Variants in IGSF21 observed in about 807,000 individuals in gnomAD.
The protein encoded by IGSF21 is immunoglobulin superfamily member 21.
IGSF21 carries 28 observed loss-of-function variants against 46.8 expected under a neutral mutation model. The ratio of observed to expected loss-of-function variants is 0.60; its 90% CI spans 0.44 to 0.82. The LOEUF (loss-of-function observed/expected upper bound fraction) is 0.82. IGSF21 is among the 40% of genes least tolerant of loss of function. IGSF21 has a pLI of 0.00. For missense variants in IGSF21, 624 were observed against 665.5 expected, an observed-to-expected ratio of 0.94 and a Z score of 0.69; for synonymous variants, 284 against 273.6, an observed-to-expected ratio of 1.04 and a Z score of -0.38.
At chr1:18,331,109 C>CATTTT (rs769260676) in intron 3 of IGSF21, among the ~76,000 whole-genome samples, 11 of 151,946 alleles carry the variant, frequency 7.2e-5, no homozygotes, top group African/African-American at 9.7e-5. Context: ...TTATATTCTC[C>CATTTT]ATTTTATTTT....
intron 1 of IGSF21, among the ~76,000 whole-genome samples, chr1:18,135,611 A>T (rs1252447733): frequency 2.0e-5 from 3 of 152,152 alleles, no homozygotes; most frequent in African/African-American, 7.2e-5. Flanking sequence ...TTATGGCTGC[A>T]TAGTATTCCA....
intron 1 of IGSF21, 85 bp downstream of exon 1, chr1:18,108,283 T>A: frequency 1.6e-6 from 2 of 1,237,626 alleles, no homozygotes; most frequent in South Asian, 5.4e-5. Flanking sequence ...CCGGGGTCGC[T>A]CCGAGAGGCT....
At chr1:18,308,444 T>G (rs544624907) in intron 3 of IGSF21, among the ~76,000 whole-genome samples, 2 of 152,238 alleles carry the variant, frequency 1.3e-5, no homozygotes, top group South Asian at 4.1e-4. Flanking sequence ...CCAGAGCCCC[T>G]CCACACACAC....
chr1:18,226,366 G>A (rs2084566393), intron 1 of IGSF21, among the ~76,000 whole-genome samples: 1 of 152,194 alleles, frequency 6.6e-6, no homozygotes, highest in South Asian at 2.1e-4. Context: ...CTGGCCCCAG[G>A]CCCGCACAGG....
intron 1 of IGSF21, among the ~76,000 whole-genome samples, chr1:18,184,832 G>T (rs1047941969): frequency 6.6e-6 from 1 of 152,122 alleles, no homozygotes; most frequent in African/African-American, 2.4e-5. Context: ...AAATCCTCAC[G>T]ATCTCCCTGA....
intron 1 of IGSF21, among the ~76,000 whole-genome samples, chr1:18,175,582 G>A (rs940110823): frequency 1.3e-5 from 2 of 152,132 alleles, no homozygotes; most frequent in African/African-American, 4.8e-5. Context: ...TGCTCCTGGT[G>A]GGAAGTGACC....
chr1:18,108,273 C>G, intron 1 of IGSF21, 75 bp downstream of exon 1: 1 of 1,281,400 alleles, frequency 7.8e-7, no homozygotes, highest in African/African-American at 1.6e-5. Flanking sequence ...AGGGCGCTGG[C>G]CGGGGTCGCT....
intron 1 of IGSF21, among the ~76,000 whole-genome samples, chr1:18,174,662 C>T (rs573475407): frequency 6.6e-6 from 1 of 152,208 alleles, no homozygotes; most frequent in Non-Finnish European, 1.5e-5. Flanking sequence ...TTTGCCCACC[C>T]GATTCCCATC....
At chr1:18,362,303 G>A (rs1274136745) in intron 5 of IGSF21, 73 bp downstream of exon 5, 3 of 1,088,058 alleles carry the variant, frequency 2.8e-6, no homozygotes, top group East Asian at 2.5e-5. Flanking sequence ...TCCAGCTGCA[G>A]GTGTCGCCAC....
intron 3 of IGSF21, among the ~76,000 whole-genome samples, chr1:18,293,956 C>G (rs1349851444): frequency 6.6e-6 from 1 of 152,196 alleles, no homozygotes; most frequent in Non-Finnish European, 1.5e-5. Context: ...ACCAGAAGAC[C>G]CAGATGAAAA....
At chr1:18,273,001 G>A (rs887354170) in intron 2 of IGSF21, among the ~76,000 whole-genome samples, 1 of 147,110 alleles carries the variant, frequency 6.8e-6, no homozygotes, top group African/African-American at 2.5e-5. Context: ...GCCCCCACTG[G>A]GCCCTCCAAT....
intron 2 of IGSF21, among the ~76,000 whole-genome samples, chr1:18,258,777 A>G (rs189046606): frequency 6.6e-6 from 1 of 152,302 alleles, no homozygotes; most frequent in East Asian, 1.9e-4. Context: ...ATCTTGTGAG[A>G]ATGGAATGCA....
In IGSF21 at chr1:18,334,834, C is replaced by T. The variant is rs145563358; in HGVS notation, c.306-58C>T. ...GGGCATCAGGATGAGTTTCCTTGAA[C>T]GCTGCCTCACCCAGCCCCACGATGA... On this transcript the variant is annotated intron_variant, in intron 3 of 9. Coordinates refer to ENST00000251296, the MANE Select transcript of IGSF21 (RefSeq NM_032880.5). The surrounding 1 kb of genome is among the most constrained non-coding windows in gnomAD (Gnocchi z 4.3). 289 of 1,291,998 alleles carry T rather than the reference C, an allele frequency of 2.2e-4. 1 individual carries two copies. The African/African-American group carries it at 3.2e-3, about 14-fold the overall frequency. 80.0% of individuals were successfully genotyped at this position (1,291,998 alleles called of 1,614,324 possible).
rs2085776417 is a variant in IGSF21 at position 18,337,061 on chromosome 1, A to T, written c.424+2051A>T. ...GGAATTGTGGGAGCTACAGTATAAG[A>T]TGAGATTTGAGTTGGGACACAGCCA... is the stretch of plus-strand genomic sequence containing the variant. On this transcript the variant is annotated intron_variant, in intron 4 of 9. Transcript: ENST00000251296. This position sits in a 1 kb window ranked among gnomAD's most constrained non-coding sequence, Gnocchi z 5.7. Among the ~76,000 whole-genome samples, 1 of 152,226 alleles carries T rather than the reference A, an allele frequency of 6.6e-6. No individual in the cohort carries two copies. Among genetic ancestry groups the T allele is most frequent in the South Asian group, 2.1e-4 (1 of 4,834 alleles).
At chr1:18,154,314 G>T (rs973388993) in intron 1 of IGSF21, among the ~76,000 whole-genome samples, 1 of 152,136 alleles carries the variant, frequency 6.6e-6, no homozygotes, top group Admixed American at 6.5e-5. Context: ...CTCTTTCAAG[G>T]CCGCGAGTCC....
rs551549038 is a variant in IGSF21, at chr1:18,371,388, A to G, written c.1016-4922A>G. 9.9e-5 allele frequency among the ~76,000 whole-genome samples: 15 copies of G among 152,270 alleles called. No homozygotes were observed. In the East Asian group the frequency reaches 2.7e-3, roughly 27 times the overall value. On this transcript the variant is annotated intron_variant, in intron 6 of 9. Coordinates refer to ENST00000251296, the MANE Select transcript of IGSF21 (RefSeq NM_032880.5). ...GGAGTTTGAGACCAGCCTGGCCAAC[A>G]TGGTGAAACCTCGGCTCTACTGAAA...
At chr1:18,183,166 G>A (rs926658526) in intron 1 of IGSF21, among the ~76,000 whole-genome samples, 2 of 152,158 alleles carry the variant, frequency 1.3e-5, no homozygotes, top group African/African-American at 4.8e-5. Context: ...TTCCCCTGGC[G>A]GAGGCACGAT....
At chr1:18,199,835 C>T (rs952723725) in intron 1 of IGSF21, among the ~76,000 whole-genome samples, 11 of 152,194 alleles carry the variant, frequency 7.2e-5, no homozygotes, top group African/African-American at 2.7e-4. Flanking sequence ...AGCCCCTCCC[C>T]GCTTCGTCAG....
At chr1:18,145,712 C>A (rs974077030) in intron 1 of IGSF21, among the ~76,000 whole-genome samples, 1 of 152,190 alleles carries the variant, frequency 6.6e-6, no homozygotes, top group African/African-American at 2.4e-5. Context: ...TCCCTCATGT[C>A]GGCTTCTCAG....
Sources: allele counts gnomAD v4.1 joint callset (sites outside exome capture counted in the v4.1 genomes callset), GRCh38; gene constraint gnomAD v4.1.1; non-coding constraint Gnocchi (gnomAD v3.1); transcripts MANE v1.5; gene names NCBI Gene and HGNC (gene_info 2026-07-23, HGNC 2026-07-21).